The following TTC17 variants were observed in gnomAD, a reference collection of about 807,000 sequenced individuals.
TTC17 encodes the protein tetratricopeptide repeat protein 17.
In TTC17, 58 loss-of-function variants were observed where a neutral mutation model predicts 143.8. The ratio of observed to expected loss-of-function variants is 0.40; its 90% CI spans 0.33 to 0.50. TTC17 has a LOEUF of 0.50. Ranked by LOEUF, TTC17 falls within the 20% of genes least tolerant of loss-of-function variation. TTC17 has a pLI of 0.49. For missense variants in TTC17, 1,273 were observed against 1,392.5 expected (o/e 0.91, Z 1.37); for synonymous variants, 501 against 497.8 (o/e 1.01, Z -0.09).
intron 15 of TTC17, among the ~76,000 whole-genome samples, chr11:43,412,629 T>C (rs939125032): frequency 1.3e-5 from 2 of 152,164 alleles, no homozygotes; most frequent in Non-Finnish European, 2.9e-5. Flanking sequence ...TCAAAACTTT[T>C]TGAGCACCAA....
rs567071845 is a variant in TTC17, at chr11:43,445,855, G to A, written c.2665+1646G>A. On this transcript the variant is annotated intron_variant, in intron 18 of 23. Coordinates refer to ENST00000039989, the MANE Select transcript of TTC17 (RefSeq NM_018259.6). ...TGTGAGCCCATGGGGGAAAAATGGA[G>A]ATCATTAAGAGCCATTGTAGATTTT... is the stretch of plus-strand genomic sequence containing the variant. 85 of 745,278 alleles carry A rather than the reference G, an allele frequency of 1.1e-4. 1 individual carries two copies. The South Asian group carries it at 1.2e-3, about 11-fold the overall frequency. 46.2% of individuals were successfully genotyped at this position (745,278 alleles called of 1,614,324 possible).
intron 16 of TTC17, among the ~76,000 whole-genome samples, chr11:43,442,931 T>C (rs932207749): frequency 5.9e-5 from 9 of 152,322 alleles, no homozygotes; most frequent in African/African-American, 2.2e-4. Flanking sequence ...CACAGCTATG[T>C]CCAGATACTT....
At chr11:43,489,608 C>G (rs1055102125) in intron 21 of TTC17, among the ~76,000 whole-genome samples, 7 of 151,810 alleles carry the variant, frequency 4.6e-5, no homozygotes, top group African/African-American at 1.7e-4. Context: ...CGTGGTGGTG[C>G]ACTCCTCTAA....
intron 16 of TTC17, among the ~76,000 whole-genome samples, chr11:43,417,781 G>A (rs186669985): frequency 2.0e-5 from 3 of 152,214 alleles, no homozygotes; most frequent in African/African-American, 2.4e-5. Flanking sequence ...AACCCAGGAG[G>A]CAGAGGTTGC....
chr11:43,391,412 A>G, intron 3 of TTC17, 53 bp from the exon 4 acceptor site: 1 of 1,200,678 alleles, frequency 8.3e-7, no homozygotes, highest in Non-Finnish European at 1.2e-6. Flanking sequence ...ATAAATAAAT[A>G]AAATATTGTT....
chr11:43,449,629 A>ATAAT (rs960537793), intron 19 of TTC17: 1 of 152,736 alleles, frequency 6.5e-6, no homozygotes, highest in African/African-American at 2.4e-5. Context: ...TGTTTGCCTA[A>ATAAT]TAATTGTTAG....
intron 21 of TTC17, among the ~76,000 whole-genome samples, chr11:43,473,062 C>T (rs1321047135): frequency 6.6e-6 from 1 of 151,698 alleles, no homozygotes. Flanking sequence ...GTAATCCCAG[C>T]TACTTGGGAG....
chr11:43,470,268 C>T lies in TTC17; in HGVS notation c.3030+19003C>T, dbSNP rs561077349. On this transcript the variant is annotated intron_variant, in intron 21 of 23. Coordinates refer to ENST00000039989, the MANE Select transcript of TTC17 (RefSeq NM_018259.6). Reference sequence around the variant, plus strand: ...CTCCAGAGTGAGCCCTCACATAGTTCGCACCTTAGTCCAGGGGCCATTCTC... The same window carrying T: ...CTCCAGAGTGAGCCCTCACATAGTTTGCACCTTAGTCCAGGGGCCATTCTC... Among the ~76,000 whole-genome samples the T allele has an allele frequency of 1.1e-4, 16 of 152,296 alleles. No homozygotes were observed. The South Asian group carries it at 1.9e-3, about 18-fold the overall frequency.
At chr11:43,409,704 G>A (rs1858315217) in intron 15 of TTC17, among the ~76,000 whole-genome samples, 1 of 152,138 alleles carries the variant, frequency 6.6e-6, no homozygotes, top group African/African-American at 2.4e-5. Context: ...TGGCCACAGG[G>A]CAAATACTCT....
rs1947975080 is a variant in TTC17, at chr11:43,466,448, C to T, written c.3030+15183C>T. 2.8e-5 allele frequency: 5 copies of T among 176,500 alleles called. No homozygotes were observed. The South Asian group carries it at 6.4e-4, about 23-fold the overall frequency. The allele number at this position is 176,500 out of a possible 1,614,324, so 10.9% of individuals were successfully genotyped here. On this transcript the variant is annotated intron_variant, in intron 21 of 23. Transcript: ENST00000039989. ...CCATCAACAGCAAGCCCTTAGGACA[C>T]ATCTCCTTTCAGCTATTTGCAGACA...
intron 1 of TTC17, among the ~76,000 whole-genome samples, chr11:43,366,197 A>G (rs1180489979): frequency 6.6e-6 from 1 of 152,124 alleles, no homozygotes; most frequent in East Asian, 1.9e-4. Flanking sequence ...TTTACTAATT[A>G]TATTTTACTT....
At chr11:43,392,042 T>A in intron 5 of TTC17, 90 bp downstream of exon 5, 1 of 1,438,268 alleles carries the variant, frequency 7.0e-7, no homozygotes, top group Non-Finnish European at 9.3e-7. Flanking sequence ...AATACCTGAC[T>A]AATTTGTTTT....
At chr11:43,362,967 C>CT in intron 1 of TTC17, among the ~76,000 whole-genome samples, 1 of 152,304 alleles carries the variant, frequency 6.6e-6, no homozygotes, top group South Asian at 2.1e-4. Context: ...CTCCTCTCCG[C>CT]TCTGTGCTGT....
Position 43,418,458 on chromosome 11 carries a change from C to G in TTC17, c.2251+3682C>G, listed in dbSNP as rs185705918. On this transcript the variant is annotated intron_variant, in intron 16 of 23. Coordinates refer to ENST00000039989, the MANE Select transcript of TTC17 (RefSeq NM_018259.6). ...TCTTGTTTGGGCAGTTTTAAAATAC[C>G]TACTGTTTTCCACATTTATAGGCTT... is the stretch of plus-strand genomic sequence containing the variant. Among the ~76,000 whole-genome samples, 508 of 152,182 alleles carry G rather than the reference C, an allele frequency of 3.3e-3. 3 individuals carry two copies. The highest frequency in any genetic ancestry group is 0.011 in the African/African-American group (474 of 41,538).
intron 16 of TTC17, among the ~76,000 whole-genome samples, chr11:43,429,335 A>G (rs1947100383): frequency 6.6e-6 from 1 of 152,234 alleles, no homozygotes; most frequent in Non-Finnish European, 1.5e-5. Flanking sequence ...ATACCATGGA[A>G]GTGTTCCTCT....
intron 1 of TTC17, among the ~76,000 whole-genome samples, chr11:43,362,067 G>A (rs931585296): frequency 4.1e-5 from 6 of 145,216 alleles, no homozygotes; most frequent in African/African-American, 1.0e-4. Flanking sequence ...CACAACCTCC[G>A]CCTCCCGGGT....
chr11:43,434,999 C>T (rs991428822), intron 16 of TTC17: 1 of 151,994 alleles, frequency 6.6e-6, no homozygotes, highest in Non-Finnish European at 1.5e-5. Flanking sequence ...AGAGAGCCAT[C>T]AGTCAAGAAA....
At chr11:43,387,275 A>C (rs570064746) in intron 2 of TTC17, among the ~76,000 whole-genome samples, 2 of 152,324 alleles carry the variant, frequency 1.3e-5, no homozygotes, top group South Asian at 4.1e-4. Flanking sequence ...AATAGCCCGC[A>C]GAACCTCAGT....
At chr11:43,402,518 A>G (rs1275708141) in intron 10 of TTC17, among the ~76,000 whole-genome samples, 2 of 152,144 alleles carry the variant, frequency 1.3e-5, no homozygotes, top group Non-Finnish European at 2.9e-5. Flanking sequence ...CAGATAGTAT[A>G]TAATAGATGT....
Sources: allele counts gnomAD v4.1 joint callset (sites outside exome capture counted in the v4.1 genomes callset), GRCh38; gene constraint gnomAD v4.1.1; transcripts MANE v1.5; gene names NCBI Gene and HGNC (gene_info 2026-07-23, HGNC 2026-07-21).